TGFBRAP1: variants seen among roughly 807,000 people sequenced by gnomAD.
TGFBRAP1 encodes the protein transforming growth factor beta receptor associated protein 1.
In TGFBRAP1, 20 loss-of-function variants were observed where a neutral mutation model predicts 83.2. The observed-to-expected ratio is 0.24, with a 90% CI of 0.17 to 0.35. The LOEUF (loss-of-function observed/expected upper bound fraction) is 0.35. Among genes scored for constraint, TGFBRAP1 ranks in the 10% least tolerant of loss-of-function variants. The pLI is 1.00. For missense variants in TGFBRAP1, 950 were observed against 1,099.4 expected (o/e 0.86, Z 1.92); for synonymous variants, 415 against 459.8 (o/e 0.90, Z 1.25).
chr2:105,253,669 A>G, the TGFBRAP1 span, among the ~76,000 whole-genome samples: 1 of 152,086 alleles, frequency 6.6e-6, no homozygotes, highest in Non-Finnish European at 1.5e-5. Context: ...TCCTCGGCTC[A>G]AGCAATTCCC....
intron 1 of TGFBRAP1, among the ~76,000 whole-genome samples, chr2:105,312,109 G>A (rs1004329668): frequency 4.6e-5 from 7 of 151,974 alleles, no homozygotes; most frequent in East Asian, 1.9e-4. Context: ...AAAAGGAAAC[G>A]TTTCTCTAAG....
intron 2 of TGFBRAP1, 98 bp downstream of exon 2, chr2:105,307,516 G>T: frequency 1.6e-6 from 2 of 1,290,258 alleles, no homozygotes; most frequent in Non-Finnish European, 2.1e-6. Flanking sequence ...ATGTCACTGA[G>T]GATTTATTCT....
intron 3 of TGFBRAP1, among the ~76,000 whole-genome samples, chr2:105,297,724 G>C (rs1422452421): frequency 1.3e-5 from 2 of 152,158 alleles, no homozygotes; most frequent in Non-Finnish European, 2.9e-5. Context: ...ATTTTTTTCA[G>C]GTGTGAAAAT....
At chr2:105,298,951 G>A (rs1678186501) in intron 2 of TGFBRAP1, among the ~76,000 whole-genome samples, 1 of 152,252 alleles carries the variant, frequency 6.6e-6, no homozygotes, top group African/African-American at 2.4e-5. Flanking sequence ...TAAAAATGAA[G>A]TTGTAATAAT....
At chr2:105,311,543 C>G (rs944768781) in intron 1 of TGFBRAP1, among the ~76,000 whole-genome samples, 3 of 151,820 alleles carry the variant, frequency 2.0e-5, no homozygotes, top group African/African-American at 7.3e-5. Flanking sequence ...CATGATTGCA[C>G]CACCGCTCTC....
At chr2:105,263,117 A>T (rs1191054741), downstream of TGFBRAP1, among the ~76,000 whole-genome samples, 1 of 152,126 alleles carries the variant, frequency 6.6e-6, no homozygotes, top group Non-Finnish European at 1.5e-5. Context: ...CTCTCCAACC[A>T]CTTAGCCTAA....
At chr2:105,322,136 ATGTG>A (rs537323161) in intron 1 of TGFBRAP1, among the ~76,000 whole-genome samples, 1 of 152,100 alleles carries the variant, frequency 6.6e-6, no homozygotes, top group Admixed American at 6.6e-5. Context: ...GCCAAGGCTA[ATGTG>A]TGTGTGTTTG....
rs746797490 is a variant in TGFBRAP1, at chr2:105,269,754, C to A, written c.1973-49G>T. 1 of 1,447,248 alleles carries A rather than the reference C, an allele frequency of 6.9e-7. No individual in the cohort carries two copies. The highest frequency in any genetic ancestry group is 9.1e-7 in the Non-Finnish European group (1 of 1,102,694). 89.7% of individuals were successfully genotyped at this position (1,447,248 alleles called of 1,614,324 possible). Reference sequence around the variant, plus strand: ...AGAAAGAAAGGGGCTCGCCGGCCACCCGCCCAGCGACTGGCCTCCTTGCTG... The same window carrying A: ...AGAAAGAAAGGGGCTCGCCGGCCACACGCCCAGCGACTGGCCTCCTTGCTG... On this transcript the variant is annotated intron_variant, in intron 10 of 11. Coordinates refer to ENST00000393359, the MANE Select transcript of TGFBRAP1 (RefSeq NM_004257.6). This position sits in a 1 kb window ranked among gnomAD's most constrained non-coding sequence, Gnocchi z 4.1.
Position 105,280,482 on chromosome 2 carries a change from G to A in TGFBRAP1, c.1363C>T (p.Leu455=), listed in dbSNP as rs372698091. The change falls in exon 6 of 12, where the codon CTG becomes TTG. Residue 455 remains leucine, a synonymous_variant. Coordinates refer to ENST00000393359, the MANE Select transcript of TGFBRAP1 (RefSeq NM_004257.6). ...KEDIDTALLK[L]YAEADHDSLL... is the part of the protein sequence containing the mutation. ...CTGTCGTGGTCAGCCTCTGCATACA[G>A]TTTGAGCAAGGCTGTGTCGATGTCC... 2.5e-5 allele frequency: 40 copies of A among 1,614,116 alleles called. 1 individual carries two copies. The highest frequency in any genetic ancestry group is 1.8e-4 in the Admixed American group (11 of 60,014).
chr2:105,280,977 G>A (rs1677518378), intron 5 of TGFBRAP1, among the ~76,000 whole-genome samples: 3 of 152,158 alleles, frequency 2.0e-5, no homozygotes, highest in Admixed American at 2.0e-4. Context: ...ACTGGTGTGA[G>A]AGTGGAACAC....
chr2:105,270,815 C>G (rs1677129544), intron 10 of TGFBRAP1, among the ~76,000 whole-genome samples: 2 of 152,212 alleles, frequency 1.3e-5, no homozygotes, highest in Non-Finnish European at 2.9e-5. Flanking sequence ...GGTACAAAGA[C>G]AGTTAAGAAA....
chr2:105,299,859 T>C (rs898589564), intron 2 of TGFBRAP1, among the ~76,000 whole-genome samples: 37 of 152,100 alleles, frequency 2.4e-4, no homozygotes, highest in African/African-American at 8.9e-4. Flanking sequence ...GGACAAGCAC[T>C]AGGAGAAGCC....
rs557062772 is a variant in TGFBRAP1, at chr2:105,309,015, G to A, written c.-17-697C>T. Among the ~76,000 whole-genome samples the A allele has an allele frequency of 1.2e-4, 18 of 152,278 alleles. 1 individual carries two copies. In the South Asian group the frequency reaches 2.7e-3, roughly 23 times the overall value. ...AGAGTAAAGGTGTGCCTCGGATCTC[G>A]AAAGGCTTTCAGATGGTGAGTGGAG... On this transcript the variant is annotated intron_variant, in intron 1 of 11. Coordinates refer to ENST00000393359, the MANE Select transcript of TGFBRAP1 (RefSeq NM_004257.6).
intron 2 of TGFBRAP1, among the ~76,000 whole-genome samples, chr2:105,302,598 T>C (rs1173636862): frequency 1.3e-5 from 2 of 151,970 alleles, no homozygotes; most frequent in Non-Finnish European, 2.9e-5. Context: ...GAGATACAAA[T>C]ATTTACATAT....
intron 5 of TGFBRAP1, among the ~76,000 whole-genome samples, chr2:105,282,000 C>T (rs986515981): frequency 6.6e-6 from 1 of 152,216 alleles, no homozygotes; most frequent in Admixed American, 6.5e-5. Context: ...TACAGTGCCA[C>T]AGCTGAGAAT....
rs1240189878 is a variant in TGFBRAP1, at chr2:105,266,732, A to C, written c.*651T>G. On this transcript the variant is annotated 3_prime_UTR_variant, in exon 12 of 12. Transcript: ENST00000393359. ...CCAAGAGTGAGTGCTTGGGTACACA[A>C]GGCAGAATCTTTTGGGAGCTGAGAG... The C allele has an allele frequency of 6.6e-6, 1 of 152,310 alleles. No individual in the cohort carries two copies. The highest frequency in any genetic ancestry group is 1.5e-5 in the Non-Finnish European group (1 of 68,138). 9.4% of individuals were successfully genotyped at this position (152,310 alleles called of 1,614,324 possible). A position where few individuals can be genotyped will look rare whatever the true frequency, so the allele number is the denominator to read the frequency against.
At chr2:105,297,017 A>G (rs1678112782) in intron 3 of TGFBRAP1, among the ~76,000 whole-genome samples, 1 of 152,030 alleles carries the variant, frequency 6.6e-6, no homozygotes, top group Non-Finnish European at 1.5e-5. Context: ...AAGTCTTGCC[A>G]TTAATGTATT....
At chr2:105,272,791 G>A in intron 10 of TGFBRAP1, 64 bp downstream of exon 10, 1 of 1,589,078 alleles carries the variant, frequency 6.3e-7, no homozygotes, top group African/African-American at 1.4e-5. Context: ...CCTTCTCTCT[G>A]CTTCCTCCCA....
chr2:105,293,694 T>C (rs1677989199), intron 4 of TGFBRAP1, among the ~76,000 whole-genome samples: 1 of 152,234 alleles, frequency 6.6e-6, no homozygotes, highest in African/African-American at 2.4e-5. Context: ...AAACCTTTTT[T>C]TTGCATCAAT....
Sources: allele counts gnomAD v4.1 joint callset (sites outside exome capture counted in the v4.1 genomes callset), GRCh38; gene constraint gnomAD v4.1.1; non-coding constraint Gnocchi (gnomAD v3.1); transcripts MANE v1.5; gene names NCBI Gene and HGNC (gene_info 2026-07-23, HGNC 2026-07-21).